The following MLLT3 variants were observed in gnomAD, a reference collection of about 807,000 sequenced individuals.
MLLT3 encodes the protein protein AF-9.
Under a neutral mutation model 53.2 loss-of-function variants are expected in MLLT3, and 4 were observed. The ratio of observed to expected loss-of-function variants is 0.08; its 90% CI spans 0.04 to 0.17. The LOEUF is 0.17. Ranked by LOEUF, MLLT3 falls within the 10% of genes least tolerant of loss-of-function variation. The pLI is 1.00. For missense variants in MLLT3, 569 were observed against 684.0 expected, an observed-to-expected ratio of 0.83 and a Z score of 1.87; for synonymous variants, 283 against 230.6, an observed-to-expected ratio of 1.23 and a Z score of -2.06.
intron 4 of MLLT3, among the ~76,000 whole-genome samples, chr9:20,417,961 G>A (rs1360620657): frequency 2.0e-5 from 3 of 152,188 alleles, no homozygotes; most frequent in East Asian, 1.9e-4. Flanking sequence ...GTTTCTTCCC[G>A]CTGGCTATCC....
At chr9:20,534,878 T>A (rs1818438270) in intron 2 of MLLT3, among the ~76,000 whole-genome samples, 1 of 150,480 alleles carries the variant, frequency 6.6e-6, no homozygotes, top group Non-Finnish European at 1.5e-5. Flanking sequence ...AGGGCAAGAC[T>A]CCATCTCAAA....
At chr9:20,474,129 C>T (rs1824463633) in intron 2 of MLLT3, among the ~76,000 whole-genome samples, 1 of 152,072 alleles carries the variant, frequency 6.6e-6, no homozygotes, top group South Asian at 2.1e-4. Context: ...GGCTCCTAAA[C>T]TTATGATTTA....
Position 20,566,436 on chromosome 9 carries a change from G to A in MLLT3, c.193+54218C>T, listed in dbSNP as rs539855694. On this transcript the variant is annotated intron_variant, in intron 2 of 10. Transcript: ENST00000380338. ...TTAGGACAAGTTCAAACAATACGTA[G>A]GCATATTCAGTTAAAACAGAGTCCT... is the stretch of plus-strand genomic sequence containing the variant. Among the ~76,000 whole-genome samples, 22 of 152,156 alleles carry A rather than the reference G, an allele frequency of 1.4e-4. No homozygotes were observed. The South Asian group carries it at 3.1e-3, about 22-fold the overall frequency.
At chr9:20,386,027 T>C (rs998232188) in intron 5 of MLLT3, among the ~76,000 whole-genome samples, 1 of 152,158 alleles carries the variant, frequency 6.6e-6, no homozygotes, top group African/African-American at 2.4e-5. Flanking sequence ...GACAGCCCTG[T>C]TGTCCCTTAG....
chr9:20,462,476 T>A (rs998181495), intron 2 of MLLT3, among the ~76,000 whole-genome samples: 4 of 152,056 alleles, frequency 2.6e-5, no homozygotes, highest in African/African-American at 9.7e-5. Flanking sequence ...AATATAACTG[T>A]CTAATTAACG....
chr9:20,602,924 T>C (rs562464351), intron 2 of MLLT3, among the ~76,000 whole-genome samples: 1 of 152,260 alleles, frequency 6.6e-6, no homozygotes, highest in South Asian at 2.1e-4. Context: ...TTGGCAGCTT[T>C]ATCATAATAT....
At chr9:20,474,940 G>C (rs924485539) in intron 2 of MLLT3, among the ~76,000 whole-genome samples, 2 of 152,062 alleles carry the variant, frequency 1.3e-5, no homozygotes, top group African/African-American at 4.8e-5. Flanking sequence ...CCACATCCAG[G>C]AGTAAACTAG....
chr9:20,363,357 G>C, intron 7 of MLLT3, 119 bp downstream of exon 7: 2 of 1,179,826 alleles, frequency 1.7e-6, no homozygotes, highest in Admixed American at 4.3e-5. Flanking sequence ...TGCATCAAAT[G>C]AATGTGACCA....
At chr9:20,368,474 C>T (rs1422942027) in intron 5 of MLLT3, among the ~76,000 whole-genome samples, 23 of 152,130 alleles carry the variant, frequency 1.5e-4, no homozygotes, top group Admixed American at 1.5e-3. Context: ...TTGTATTGGA[C>T]TTAAAGGAGC....
intron 5 of MLLT3, among the ~76,000 whole-genome samples, chr9:20,407,836 G>C (rs1269020671): frequency 6.6e-6 from 1 of 152,162 alleles, no homozygotes; most frequent in Non-Finnish European, 1.5e-5. Flanking sequence ...TAAGTACATA[G>C]AAGGGTGACT....
rs999059511 is a variant in MLLT3, at chr9:20,343,639, G to A, written c.*2804C>T. The A allele has an allele frequency of 4.4e-6, 1 of 227,646 alleles. No homozygotes were observed. Among genetic ancestry groups the A allele is most frequent in the African/African-American group, 2.2e-5 (1 of 44,972 alleles). 14.1% of individuals were successfully genotyped at this position (227,646 alleles called of 1,614,324 possible). The stretch of plus-strand genomic sequence containing the variant: ...TTTTTTCCCCTGGCTGATCACTGAG[G>A]AAAAATTTTTTAAAAGTTTATCATA... On this transcript the variant is annotated 3_prime_UTR_variant, in exon 11 of 11. Coordinates refer to ENST00000380338, the MANE Select transcript of MLLT3 (RefSeq NM_004529.4).
At chr9:20,354,956 T>A (rs373529450) in intron 8 of MLLT3, 77 bp from the exon 9 acceptor site, 1 of 943,900 alleles carries the variant, frequency 1.1e-6, no homozygotes, top group Non-Finnish European at 1.7e-6. Context: ...AACAAAGGCA[T>A]CCACTGAATG....
In MLLT3 at chr9:20,342,734, T is replaced by C. The variant is rs943240491; in HGVS notation, c.*3709A>G. 5.5e-5 allele frequency: 11 copies of C among 201,628 alleles called. No individual in the cohort carries two copies. The highest frequency in any genetic ancestry group is 9.1e-5 in the Non-Finnish European group (9 of 98,416). The allele number at this position is 201,628 out of a possible 1,614,324, so 12.5% of individuals were successfully genotyped here. ...CCGAGACTAAACTAAACCATGGGAA[T>C]TGACTCCTTAACATTCACTGCAGCT... is the stretch of plus-strand genomic sequence containing the variant. On this transcript the variant is annotated 3_prime_UTR_variant, in exon 11 of 11. Coordinates refer to ENST00000380338, the MANE Select transcript of MLLT3 (RefSeq NM_004529.4).
chr9:20,422,848 A>G (rs999459730), intron 4 of MLLT3, among the ~76,000 whole-genome samples: 3 of 151,932 alleles, frequency 2.0e-5, no homozygotes, highest in African/African-American at 7.2e-5. Context: ...GATGGTGACA[A>G]TGATGGTGAC....
chr9:20,488,844 C>A (rs1468438083), intron 2 of MLLT3, among the ~76,000 whole-genome samples: 1 of 152,098 alleles, frequency 6.6e-6, no homozygotes, highest in African/African-American at 2.4e-5. Context: ...CACTGCTGAT[C>A]CAGATTTAGA....
chr9:20,591,003 A>G (rs10964628), intron 2 of MLLT3, among the ~76,000 whole-genome samples: 68,835 of 151,318 alleles, frequency 0.45, 15,927 homozygotes, highest in Middle Eastern at 0.5. Flanking sequence ...TTCCACGTCA[A>G]CCTCCCAAAG....
rs759379126 is a variant in MLLT3, at chr9:20,557,849, G to A, written c.193+62805C>T. Among the ~76,000 whole-genome samples, 3 of 152,174 alleles carry A rather than the reference G, an allele frequency of 2.0e-5. No individual in the cohort carries two copies. In the South Asian group the frequency reaches 6.2e-4, roughly 32 times the overall value. On this transcript the variant is annotated intron_variant, in intron 2 of 10. Coordinates refer to ENST00000380338, the MANE Select transcript of MLLT3 (RefSeq NM_004529.4). The stretch of plus-strand genomic sequence containing the variant: ...GGGCAAGTCCTGGGAAGAAACTGCT[G>A]GGAGAAGGTCACACTTTCTATTCCC...
At chr9:20,393,700 T>C (rs888247498) in intron 5 of MLLT3, among the ~76,000 whole-genome samples, 1 of 152,194 alleles carries the variant, frequency 6.6e-6, no homozygotes, top group African/African-American at 2.4e-5. Context: ...ATAAAAGTAA[T>C]GCTAGTTGAC....
intron 4 of MLLT3, among the ~76,000 whole-genome samples, chr9:20,415,218 G>A (rs908269216): frequency 2.0e-4 from 30 of 151,978 alleles, no homozygotes; most frequent in Non-Finnish European, 4.0e-4. Context: ...CACCCACTAG[G>A]AAAAATAAAA....
Sources: gnomAD v4.1 joint callset for allele counts (sites outside exome capture counted in the v4.1 genomes callset) on GRCh38, gnomAD v4.1.1 for gene constraint, MANE v1.5 for transcripts, NCBI Gene and HGNC (gene_info 2026-07-23, HGNC 2026-07-21) for gene names.